Variants in PLCH1 observed in about 807,000 individuals in gnomAD.
PLCH1 encodes 1-phosphatidylinositol 4,5-bisphosphate phosphodiesterase eta-1.
In PLCH1, 60 loss-of-function variants were observed where a neutral mutation model predicts 126.7. The observed-to-expected ratio is 0.47, with a 90% confidence interval of 0.38 to 0.59. PLCH1 has a LOEUF of 0.59. Among genes scored for constraint, PLCH1 ranks in the 20% least tolerant of loss-of-function variants. The pLI is 0.00. For synonymous variants in PLCH1, 719 were observed against 734.9 expected, an observed-to-expected ratio of 0.98 and a Z score of 0.35; for missense variants, 1,723 against 2,040.0, an observed-to-expected ratio of 0.84 and a Z score of 2.99.
chr3:155,714,817 A>G (rs1010533612), intron 1 of PLCH1, among the ~76,000 whole-genome samples: 2 of 152,242 alleles, frequency 1.3e-5, no homozygotes, highest in African/African-American at 2.4e-5. Flanking sequence ...TGATTTTTAC[A>G]TGTATGTTCC....
chr3:155,528,226 C>A lies in PLCH1; in HGVS notation c.1363-4222G>T, dbSNP rs1722223253. Among the ~76,000 whole-genome samples, 4 of 62,724 alleles carry A rather than the reference C, an allele frequency of 6.4e-5. No homozygotes were observed. In the South Asian group the frequency reaches 1.5e-3, roughly 23 times the overall value. 41.1% of individuals were successfully genotyped at this position (62,724 alleles called of 152,430 possible). ...GCGACAGAGCGAGACTCCGTCTCCC[C>A]ACCAAAAAAAAAAAAAAAAAAAAGT... is the stretch of plus-strand genomic sequence containing the variant. On this transcript the variant is annotated intron_variant, in intron 10 of 22. Transcript: ENST00000460012.
chr3:155,469,961 C>G (rs367786606), intron 21 of PLCH1, among the ~76,000 whole-genome samples: 5 of 152,152 alleles, frequency 3.3e-5, no homozygotes, highest in East Asian at 3.8e-4. Flanking sequence ...GTAGATAAAA[C>G]CACAAAGATA....
At chr3:155,570,914 T>C (rs747227142) in intron 6 of PLCH1, among the ~76,000 whole-genome samples, 1 of 152,216 alleles carries the variant, frequency 6.6e-6, no homozygotes, top group Non-Finnish European at 1.5e-5. Flanking sequence ...TTAACTTATT[T>C]TATTATTCAA....
chr3:155,561,283 CT>C (rs1727567124), intron 8 of PLCH1, among the ~76,000 whole-genome samples: 1 of 129,260 alleles, frequency 7.7e-6, no homozygotes, highest in Admixed American at 8.1e-5. Flanking sequence ...CCCTCCCCCC[CT>C]CCCCCCACCC....
At chr3:155,715,303 C>T (rs1348944891) in intron 1 of PLCH1, among the ~76,000 whole-genome samples, 2 of 150,784 alleles carry the variant, frequency 1.3e-5, no homozygotes, top group Non-Finnish European at 2.9e-5. Context: ...TTCCTTCCAT[C>T]TGCTTTCTTT....
At chr3:155,490,320 G>T (rs578197571) in intron 19 of PLCH1, among the ~76,000 whole-genome samples, 3 of 152,156 alleles carry the variant, frequency 2.0e-5, no homozygotes, top group Non-Finnish European at 4.4e-5. Context: ...CCCTCCAATC[G>T]TATGTAAATA....
intron 6 of PLCH1, among the ~76,000 whole-genome samples, chr3:155,577,554 A>AT (rs1394038986): frequency 6.6e-6 from 1 of 152,056 alleles, no homozygotes; most frequent in Non-Finnish European, 1.5e-5. Flanking sequence ...TTCCTTTGTG[A>AT]TTTTTACCTC....
Position 155,696,933 on chromosome 3 carries a change from C to T in PLCH1, c.79+7213G>A, listed in dbSNP as rs374218278. Among the ~76,000 whole-genome samples, 5 of 152,200 alleles carry T rather than the reference C, an allele frequency of 3.3e-5. No individual in the cohort carries two copies. The East Asian group carries it at 9.6e-4, about 29-fold the overall frequency. ...TGTTTCAGAAAATTGAAAGCTAAAG[C>T]TTCAAAGAATGAACACTGTCACTTC... On this transcript the variant is annotated intron_variant, in intron 2 of 22. Transcript: ENST00000460012.
At chr3:155,541,223 G>C (rs979938516) in intron 10 of PLCH1, among the ~76,000 whole-genome samples, 1 of 152,054 alleles carries the variant, frequency 6.6e-6, no homozygotes, top group Non-Finnish European at 1.5e-5. Flanking sequence ...AATAGACTTT[G>C]GGGACTCGGG....
chr3:155,655,539 C>T (rs770310927), intron 2 of PLCH1, among the ~76,000 whole-genome samples: 6 of 152,158 alleles, frequency 3.9e-5, no homozygotes, highest in Non-Finnish European at 8.8e-5. Context: ...AGAATTCTCG[C>T]AGATAACAGC....
intron 4 of PLCH1, among the ~76,000 whole-genome samples, chr3:155,586,833 A>G (rs1240902844): frequency 2.6e-5 from 4 of 152,190 alleles, no homozygotes; most frequent in African/African-American, 7.2e-5. Context: ...TATTATTGCA[A>G]AACACTATAT....
chr3:155,556,450 G>A (rs924103344), intron 8 of PLCH1, among the ~76,000 whole-genome samples: 2 of 152,136 alleles, frequency 1.3e-5, no homozygotes, highest in Non-Finnish European at 2.9e-5. Context: ...TGTGTGTTTT[G>A]TGTATTACCC....
At chr3:155,534,731 T>C (rs1723125566) in intron 10 of PLCH1, among the ~76,000 whole-genome samples, 1 of 151,898 alleles carries the variant, frequency 6.6e-6, no homozygotes, top group African/African-American at 2.4e-5. Flanking sequence ...TGGTGGGAGG[T>C]AATTGGATCA....
chr3:155,488,120 AAG>A lies in PLCH1; in HGVS notation c.2540-15_2540-14del, dbSNP rs766843430. ...ACATGCCGGTAGCCTGATAAAAGGAAAGAGAGTCGTTTCTTTTTAGTTGAACT... is the reference window on the plus strand; with the variant it reads ...ACATGCCGGTAGCCTGATAAAAGGAAAGAGTCGTTTCTTTTTAGTTGAACT... On this transcript the variant is annotated splice_polypyrimidine_tract_variant and intron_variant, in intron 20 of 22. Transcript: ENST00000460012. The A allele has an allele frequency of 5.7e-6, 9 of 1,573,198 alleles. No homozygotes were observed. The Admixed American group carries it at 6.7e-5, about 12-fold the overall frequency.
At position 155,703,968 on chromosome 3, in the gene PLCH1, T is replaced by C. The variant is rs188742475; in HGVS notation, c.79+178A>G. ...AGTCGTTGAGGTGGGGCCCATTCCT[T>C]ACAAGTGGAGATAGTAAGTGCAATG... On this transcript the variant is annotated intron_variant, in intron 2 of 22. Coordinates refer to ENST00000460012, the MANE Select transcript of PLCH1 (RefSeq NM_014996.4). 9.2e-5 allele frequency among the ~76,000 whole-genome samples: 14 copies of C among 152,334 alleles called. No individual in the cohort carries two copies. In the East Asian group the frequency reaches 2.3e-3, roughly 25 times the overall value.
At chr3:155,469,529 A>C (rs1713083028) in intron 21 of PLCH1, among the ~76,000 whole-genome samples, 1 of 152,242 alleles carries the variant, frequency 6.6e-6, no homozygotes, top group South Asian at 2.1e-4. Flanking sequence ...AGGCTTGCTT[A>C]GGTAAACAAA....
chr3:155,525,042 G>A (rs1721716498), intron 10 of PLCH1, among the ~76,000 whole-genome samples: 1 of 151,972 alleles, frequency 6.6e-6, no homozygotes, highest in Non-Finnish European at 1.5e-5. Context: ...TGACTTGGCT[G>A]GGCACAAAAG....
intron 2 of PLCH1, among the ~76,000 whole-genome samples, chr3:155,632,383 G>A (rs1738159430): frequency 6.6e-6 from 1 of 152,102 alleles, no homozygotes. Context: ...ATTATTCAGG[G>A]AAACCAAATC....
In PLCH1 at chr3:155,583,527, T is replaced by G. The variant is rs759199410; in HGVS notation, c.716A>C (p.Lys239Thr). Residue 239 changes from lysine to threonine, a missense_variant, in exon 6 of 23, where the codon AAG becomes ACG. By Grantham distance (78) the Lys-to-Thr change is moderately conservative. Around this residue, in one of 2 missense-constraint regions of PLCH1, gnomAD observed 776 missense variants for 1,062.9 expected, o/e 0.73. Coordinates refer to ENST00000460012, the MANE Select transcript of PLCH1 (RefSeq NM_014996.4). ...LYLLLLSYSD[K>T]KDHLTVEELA... ...TTCTTCCACAGTTAGGTGATCTTTC[T>G]TGTCACTGTAGCTCAAAAGTAACAA... 1 of 1,608,388 alleles carries G rather than the reference T, an allele frequency of 6.2e-7. No homozygotes were observed. Among genetic ancestry groups the G allele is most frequent in the Non-Finnish European group, 8.5e-7 (1 of 1,178,196 alleles).
Sources: allele counts gnomAD v4.1 joint callset (sites outside exome capture counted in the v4.1 genomes callset), GRCh38; gene constraint gnomAD v4.1.1; regional missense constraint gnomAD v4.1.1; transcripts MANE v1.5; gene names NCBI Gene and HGNC (gene_info 2026-07-23, HGNC 2026-07-21).